The following PEMT variants were observed in gnomAD, a reference collection of about 807,000 sequenced individuals.
PEMT encodes phospholipid methyltransferase.
PEMT carries 23 observed loss-of-function variants against 27.4 expected under a neutral mutation model. The ratio of observed to expected loss-of-function variants is 0.84; its 90% CI spans 0.60 to 1.19. The LOEUF (loss-of-function observed/expected upper bound fraction) is 1.19, where lower values mean the gene tolerates loss of function less well. Among genes scored for constraint, PEMT ranks in the 50% most tolerant of loss-of-function variants. The pLI, the probability that PEMT is intolerant of heterozygous loss-of-function variation, is 0.00. For synonymous variants in PEMT, 137 were observed against 139.1 expected, an observed-to-expected ratio of 0.98 and a Z score of 0.11; for missense variants, 307 against 310.1, an observed-to-expected ratio of 0.99 and a Z score of 0.07.
intron 2 of PEMT, chr17:17,565,348 CCT>C (rs1238860999): frequency 1.3e-5 from 2 of 152,352 alleles, no homozygotes; most frequent in Non-Finnish European, 2.9e-5. Context: ...GCCAGTGTCC[CCT>C]TTTTTGAATA....
chr17:17,558,690 A>AAC (rs1444689999), intron 2 of PEMT, among the ~76,000 whole-genome samples: 3 of 130,838 alleles, frequency 2.3e-5, no homozygotes, highest in Admixed American at 1.6e-4. Flanking sequence ...ACGAAAAAAA[A>AAC]AAAAAAAAAC....
chr17:17,580,068 C>T lies in PEMT; in HGVS notation c.97-3041G>A, dbSNP rs531070477. 3.0e-4 allele frequency among the ~76,000 whole-genome samples: 46 copies of T among 152,274 alleles called. No individual in the cohort carries two copies. The Middle Eastern group carries it at 0.01, about 34-fold the overall frequency. ...ACAACTGGGCCAGGCTCAGAGCAGG[C>T]TGTCCTGCCCTGAAGGGAGGGGAAG... On this transcript the variant is annotated intron_variant, in intron 1 of 6. Coordinates refer to ENST00000255389, the MANE Select transcript of PEMT (RefSeq NM_148172.3).
At chr17:17,518,178 C>T (rs966901619) in intron 3 of PEMT, 5 of 984,654 alleles carry the variant, frequency 5.1e-6, no homozygotes, top group African/African-American at 1.7e-5. Context: ...ACCAGGAGCT[C>T]GCTGATGCCC....
chr17:17,554,234 C>T (rs898882900), intron 2 of PEMT, among the ~76,000 whole-genome samples: 2 of 152,246 alleles, frequency 1.3e-5, no homozygotes, highest in Admixed American at 1.3e-4. Context: ...AGACCCGGCC[C>T]CCTCCCCTCA....
chr17:17,566,689 G>A (rs940564944), intron 2 of PEMT, among the ~76,000 whole-genome samples: 5 of 152,218 alleles, frequency 3.3e-5, no homozygotes, highest in Admixed American at 6.5e-5. Context: ...ACTGAAGTAC[G>A]GAGAAGAACG....
chr17:17,555,231 C>A (rs1909968238), intron 2 of PEMT, among the ~76,000 whole-genome samples: 1 of 152,132 alleles, frequency 6.6e-6, no homozygotes, highest in Non-Finnish European at 1.5e-5. Context: ...CTGTACCCAC[C>A]CCCAAGAAGA....
At chr17:17,534,934 T>G (rs1908354469) in intron 2 of PEMT, among the ~76,000 whole-genome samples, 1 of 140,396 alleles carries the variant, frequency 7.1e-6, no homozygotes, top group Non-Finnish European at 1.6e-5. Flanking sequence ...TTTATTTTAT[T>G]TTTTGAGATG....
At chr17:17,571,742 T>C (rs1465865529) in intron 2 of PEMT, among the ~76,000 whole-genome samples, 2 of 149,814 alleles carry the variant, frequency 1.3e-5, no homozygotes, top group African/African-American at 4.9e-5. Flanking sequence ...AGGGTCTCAC[T>C]CTGCCACCCA....
chr17:17,511,521 C>T (rs973145144), intron 4 of PEMT, among the ~76,000 whole-genome samples: 1 of 152,184 alleles, frequency 6.6e-6, no homozygotes, highest in Non-Finnish European at 1.5e-5. Flanking sequence ...GAGCTGTAGC[C>T]GGCATCTGAG....
intron 2 of PEMT, among the ~76,000 whole-genome samples, chr17:17,548,820 CAGGCGTG>C (rs1909440227): frequency 6.6e-6 from 1 of 152,232 alleles, no homozygotes; most frequent in Admixed American, 6.5e-5. Flanking sequence ...GCTGGGATTA[CAGGCGTG>C]AGCCGCCGAG....
chr17:17,531,864 C>T (rs945018850), intron 2 of PEMT, among the ~76,000 whole-genome samples: 3 of 151,990 alleles, frequency 2.0e-5, no homozygotes, highest in Non-Finnish European at 4.4e-5. Flanking sequence ...TAAAAGAAAA[C>T]GTGATAACTT....
At chr17:17,553,615 G>C (rs576333403) in intron 2 of PEMT, among the ~76,000 whole-genome samples, 1 of 152,286 alleles carries the variant, frequency 6.6e-6, no homozygotes, top group South Asian at 2.1e-4. Flanking sequence ...CCACCCAATG[G>C]CCAGCACTAA....
intron 2 of PEMT, among the ~76,000 whole-genome samples, chr17:17,575,191 C>T (rs1450326532): frequency 6.6e-6 from 1 of 152,172 alleles, no homozygotes; most frequent in Non-Finnish European, 1.5e-5. Flanking sequence ...CCTTCCTTGG[C>T]TAGTGGCTTG....
At chr17:17,524,134 A>G (rs1228227798) in intron 2 of PEMT, among the ~76,000 whole-genome samples, 1 of 152,204 alleles carries the variant, frequency 6.6e-6, no homozygotes, top group Non-Finnish European at 1.5e-5. Flanking sequence ...CAGTATATAA[A>G]GATTTTGTCC....
intron 2 of PEMT, among the ~76,000 whole-genome samples, chr17:17,535,979 G>A (rs1406801678): frequency 6.6e-6 from 1 of 152,226 alleles, no homozygotes; most frequent in Non-Finnish European, 1.5e-5. Context: ...GGTTCTGTGA[G>A]GGCCTTGGTC....
chr17:17,523,649 ACT>A lies in PEMT; in HGVS notation c.205-1256_205-1255del, dbSNP rs1258459213. On this transcript the variant is annotated intron_variant, in intron 2 of 6. Coordinates refer to ENST00000255389, the MANE Select transcript of PEMT (RefSeq NM_148172.3). The surrounding 1 kb of genome is among the most constrained non-coding windows in gnomAD (Gnocchi z 4.8). ...AGGTCTCAGCAGGTGGCCGCTGCTGACTCTGTGGGAAGCTCAAAAGGCGGAAG... is the reference window on the plus strand; with the variant it reads ...AGGTCTCAGCAGGTGGCCGCTGCTGACTGTGGGAAGCTCAAAAGGCGGAAG... 6.0e-5 allele frequency among the ~76,000 whole-genome samples: 9 copies of A among 151,082 alleles called. No individual in the cohort carries two copies. Among genetic ancestry groups the A allele is most frequent in the African/African-American group, 2.0e-4 (8 of 40,966 alleles).
At chr17:17,520,167 AG>A (rs1339786637) in intron 3 of PEMT, among the ~76,000 whole-genome samples, 1 of 151,900 alleles carries the variant, frequency 6.6e-6, no homozygotes, top group African/African-American at 2.4e-5. Flanking sequence ...GCCGCTGGGG[AG>A]TGTGGATGCC....
chr17:17,554,044 G>A (rs1909865669), intron 2 of PEMT, among the ~76,000 whole-genome samples: 1 of 152,258 alleles, frequency 6.6e-6, no homozygotes, highest in Non-Finnish European at 1.5e-5. Context: ...CCTGGCCCGT[G>A]AGCAGGAACT....
chr17:17,535,525 AC>A (rs1567694691), intron 2 of PEMT, among the ~76,000 whole-genome samples: 1 of 151,594 alleles, frequency 6.6e-6, no homozygotes, highest in Non-Finnish European at 1.5e-5. Flanking sequence ...AGATCGCGCC[AC>A]TGCACTCCAG....
Sources: allele counts gnomAD v4.1 joint callset (sites outside exome capture counted in the v4.1 genomes callset), GRCh38; gene constraint gnomAD v4.1.1; non-coding constraint Gnocchi (gnomAD v3.1); transcripts MANE v1.5; gene names NCBI Gene and HGNC (gene_info 2026-07-23, HGNC 2026-07-21).